The following NFIB variants were observed in gnomAD, a reference collection of about 807,000 sequenced individuals.
NFIB encodes the protein nuclear factor I B.
In NFIB, 11 loss-of-function variants were observed where a neutral mutation model predicts 61.5. That is an observed-to-expected ratio of 0.18 (90% CI 0.11 to 0.30). NFIB has a LOEUF of 0.30. Among genes scored for constraint, NFIB ranks in the 10% least tolerant of loss-of-function variants. The pLI is 1.00. For synonymous variants in NFIB, 260 were observed against 216.5 expected (o/e 1.20, Z -1.76); for missense variants, 471 against 608.9 (o/e 0.77, Z 2.38).
chr9:14,160,276 T>C (rs1292482951), intron 3 of NFIB, among the ~76,000 whole-genome samples: 1 of 152,204 alleles, frequency 6.6e-6, no homozygotes, highest in Non-Finnish European at 1.5e-5. Context: ...TTTAACCTCC[T>C]TTACAAACAA....
At chr9:14,137,265 C>T (rs567331416) in intron 6 of NFIB, among the ~76,000 whole-genome samples, 14 of 152,292 alleles carry the variant, frequency 9.2e-5, no homozygotes, top group Middle Eastern at 3.4e-3. Context: ...TCATTTGTTG[C>T]ACCAGAATGG....
intron 3 of NFIB, among the ~76,000 whole-genome samples, chr9:14,172,708 T>C (rs956085333): frequency 3.9e-5 from 6 of 152,216 alleles, no homozygotes; most frequent in South Asian, 2.1e-4. Context: ...TCTATTCTTA[T>C]GCATCTTCTG....
chr9:14,136,521 A>G (rs1163402854), intron 6 of NFIB, among the ~76,000 whole-genome samples: 1 of 152,200 alleles, frequency 6.6e-6, no homozygotes, highest in Non-Finnish European at 1.5e-5. Context: ...ATTACAGATG[A>G]GTTTTCAGAG....
At chr9:14,255,573 T>C (rs1452319219) in intron 2 of NFIB, among the ~76,000 whole-genome samples, 1 of 152,228 alleles carries the variant, frequency 6.6e-6, no homozygotes, top group African/African-American at 2.4e-5. Context: ...AGTTCTAATA[T>C]AACATGGACA....
the NFIB span, among the ~76,000 whole-genome samples, chr9:14,503,878 G>T: frequency 3.2e-4 from 49 of 152,138 alleles, no homozygotes; most frequent in African/African-American, 1.0e-3. Context: ...TTGGGTTCTT[G>T]GTCATGAAGT....
intron 4 of NFIB, among the ~76,000 whole-genome samples, chr9:14,154,819 A>G (rs1251394368): frequency 6.6e-6 from 1 of 152,240 alleles, no homozygotes; most frequent in Non-Finnish European, 1.5e-5. Context: ...GGTTCAAAAG[A>G]CAGTCAGTGA....
At position 14,087,483 on chromosome 9, in the gene NFIB, T is replaced by C. The variant is rs1234008260; in HGVS notation, c.*826A>G. On this transcript the variant is annotated 3_prime_UTR_variant, in exon 11 of 11. Coordinates refer to ENST00000380953, the MANE Select transcript of NFIB (RefSeq NM_001190737.2). ...GTGGGGAAAATATTATATTAATTTT[T>C]ACTGTTGCATGCAGAGAGAACACTT... 2 of 224,480 alleles carry C rather than the reference T, an allele frequency of 8.9e-6. No individual in the cohort carries two copies. Among genetic ancestry groups the C allele is most frequent in the African/African-American group, 4.5e-5 (2 of 44,814 alleles). 13.9% of individuals were successfully genotyped at this position (224,480 alleles called of 1,614,324 possible).
intron 2 of NFIB, among the ~76,000 whole-genome samples, chr9:14,276,226 T>C (rs1349138052): frequency 6.6e-6 from 1 of 152,178 alleles, no homozygotes; most frequent in Non-Finnish European, 1.5e-5. Context: ...AAGATACTGT[T>C]CTTAATCCCC....
intron 2 of NFIB, among the ~76,000 whole-genome samples, chr9:14,233,786 G>C (rs543278901): frequency 6.6e-6 from 1 of 152,124 alleles, no homozygotes; most frequent in African/African-American, 2.4e-5. Context: ...TGAAAGGTGA[G>C]CATATGTACA....
At chr9:14,256,043 G>A (rs567408023) in intron 2 of NFIB, among the ~76,000 whole-genome samples, 2 of 152,344 alleles carry the variant, frequency 1.3e-5, no homozygotes, top group East Asian at 3.9e-4. Context: ...GCAAAGGGAA[G>A]CTACCAATGG....
At chr9:14,237,841 C>CTGTGTG (rs1563932702) in intron 2 of NFIB, among the ~76,000 whole-genome samples, 417 of 26,010 alleles carry the variant, frequency 0.016, 77 homozygotes, top group East Asian at 0.092. Context: ...CTAGGTATAA[C>CTGTGTG]AGTGTGTGTG....
chr9:14,400,077 A>T (rs531583574), upstream of NFIB, among the ~76,000 whole-genome samples: 63 of 152,060 alleles, frequency 4.1e-4, no homozygotes, highest in Non-Finnish European at 7.9e-4. Flanking sequence ...TTAAAACTTC[A>T]ATAGCAATTT....
chr9:14,233,761 GCAAA>G (rs1281556694), intron 2 of NFIB, among the ~76,000 whole-genome samples: 11 of 152,120 alleles, frequency 7.2e-5, no homozygotes, highest in Admixed American at 7.2e-4. Flanking sequence ...ATAACTGTTT[GCAAA>G]CTACAAATAT....
At chr9:14,442,778 G>A in the NFIB span, among the ~76,000 whole-genome samples, 1 of 152,084 alleles carries the variant, frequency 6.6e-6, no homozygotes, top group African/African-American at 2.4e-5. Context: ...AGGATCTGGG[G>A]GTTCAAGTCC....
At chr9:14,255,003 C>T (rs576772512) in intron 2 of NFIB, among the ~76,000 whole-genome samples, 2 of 152,254 alleles carry the variant, frequency 1.3e-5, no homozygotes, top group African/African-American at 4.8e-5. Context: ...AGGAAGATCA[C>T]TTGAGGATGG....
the NFIB span, among the ~76,000 whole-genome samples, chr9:14,413,753 C>G: frequency 3.3e-5 from 5 of 152,118 alleles, no homozygotes; most frequent in Non-Finnish European, 5.9e-5. Flanking sequence ...TAATATCATT[C>G]CAGGATGCAT....
chr9:14,499,798 G>C, the NFIB span, among the ~76,000 whole-genome samples: 34 of 152,218 alleles, frequency 2.2e-4, no homozygotes, highest in African/African-American at 7.7e-4. Flanking sequence ...ATTAGAAATG[G>C]CTGAGGAAAG....
chr9:14,167,568 T>C (rs2045017674), intron 3 of NFIB, among the ~76,000 whole-genome samples: 2 of 152,012 alleles, frequency 1.3e-5, no homozygotes, highest in South Asian at 4.2e-4. Context: ...ATGTCAAAAC[T>C]CATCTAACTG....
chr9:14,470,443 G>A, the NFIB span, among the ~76,000 whole-genome samples: 1 of 152,046 alleles, frequency 6.6e-6, no homozygotes, highest in African/African-American at 2.4e-5. Flanking sequence ...TCTGTTCCTT[G>A]GTTTGCCCCC....
Sources: allele counts gnomAD v4.1 joint callset (sites outside exome capture counted in the v4.1 genomes callset), GRCh38; gene constraint gnomAD v4.1.1; transcripts MANE v1.5; gene names NCBI Gene and HGNC (gene_info 2026-07-23, HGNC 2026-07-21).